EDEM2: variants seen among roughly 807,000 people sequenced by gnomAD.
EDEM2 encodes the protein ER degradation-enhancing alpha-mannosidase-like protein 2.
In EDEM2, 39 loss-of-function variants were observed where a neutral mutation model predicts 64.8. That is an observed-to-expected ratio of 0.60 (90% CI 0.47 to 0.79). EDEM2 has a LOEUF of 0.79. EDEM2 is among the 30% of genes least tolerant of loss of function. EDEM2 has a pLI of 0.00. For synonymous variants in EDEM2, 296 were observed against 291.5 expected (o/e 1.02, Z -0.16); for missense variants, 609 against 731.3 (o/e 0.83, Z 1.93).
At chr20:35,137,108 T>C (rs1320854485) in intron 5 of EDEM2, among the ~76,000 whole-genome samples, 3 of 152,066 alleles carry the variant, frequency 2.0e-5, no homozygotes, top group African/African-American at 7.2e-5. Context: ...TCTCATTTGA[T>C]AGATGGGGAA....
Position 35,118,689 on chromosome 20 carries a change from C to T in EDEM2, c.1145G>A (p.Arg382His), listed in dbSNP as rs375264450. The change falls in exon 10 of 11, where the codon CGT (arginine) becomes CAT (histidine). Residue 382 changes from arginine (R) to histidine (H), a missense_variant. Arg to His is a conservative substitution (Grantham distance 29). Coordinates refer to ENST00000374492, the MANE Select transcript of EDEM2 (RefSeq NM_018217.3). ...ELIESAMYLYRATGDPTLLEL... is the reference protein window; with the variant it reads ...ELIESAMYLYHATGDPTLLEL... ...TAGGAGGGTGGGATCCCCCGTGGCA[C>T]GGTAGAGGTACATTGCGCTTTCAAT... The T allele has an allele frequency of 2.0e-5, 32 of 1,612,918 alleles. No individual in the cohort carries two copies. The highest frequency in any genetic ancestry group is 6.7e-5 in the African/African-American group (5 of 74,900).
chr20:35,147,050 C>G, intron 1 of EDEM2, 102 bp downstream of exon 1: 3 of 1,541,142 alleles, frequency 1.9e-6, no homozygotes, highest in Non-Finnish European at 2.6e-6. Context: ...TGGGACCTAG[C>G]GGCTGTGTCG....
At chr20:35,121,269 G>A (rs73279912) in intron 9 of EDEM2, among the ~76,000 whole-genome samples, 1 of 152,194 alleles carries the variant, frequency 6.6e-6, no homozygotes, top group African/African-American at 2.4e-5. Flanking sequence ...ATCTGGGGTT[G>A]ATGGATGACA....
chr20:35,144,845 C>A, intron 3 of EDEM2, 134 bp downstream of exon 3: 1 of 957,640 alleles, frequency 1.0e-6, no homozygotes. Flanking sequence ...CACAGCCGGA[C>A]GCTTCAGAAT....
chr20:35,120,176 C>T (rs940761478), intron 9 of EDEM2, among the ~76,000 whole-genome samples: 3 of 152,142 alleles, frequency 2.0e-5, no homozygotes, highest in African/African-American at 7.2e-5. Flanking sequence ...GATTCTCATG[C>T]CTCAACCTCC....
chr20:35,124,900 T>C (rs929374614), intron 8 of EDEM2, among the ~76,000 whole-genome samples: 1 of 152,214 alleles, frequency 6.6e-6, no homozygotes, highest in African/African-American at 2.4e-5. Flanking sequence ...CAAATAGATG[T>C]AAAATGTTAT....
intron 2 of EDEM2, among the ~76,000 whole-genome samples, chr20:35,145,958 C>T (rs573714440): frequency 4.1e-5 from 6 of 145,608 alleles, no homozygotes; most frequent in South Asian, 2.1e-4. Context: ...GCCAAGATCA[C>T]GCCATTGCAC....
Position 35,139,863 on chromosome 20 carries a change from A to G in EDEM2, c.365-1858T>C, listed in dbSNP as rs958410266. Among the ~76,000 whole-genome samples, 80 of 152,220 alleles carry G rather than the reference A, an allele frequency of 5.3e-4. 2 individuals carry two copies. The highest frequency in any genetic ancestry group is 2.2e-4 in the Non-Finnish European group (15 of 68,028). ...AAGTTTTCCATAACAAAAAGTTTTTAAAAGGAGAAGACAGCCAAAGTGAAA... is the reference window on the plus strand; with the variant it reads ...AAGTTTTCCATAACAAAAAGTTTTTGAAAGGAGAAGACAGCCAAAGTGAAA... On this transcript the variant is annotated intron_variant, in intron 4 of 10. Transcript: ENST00000374492.
In EDEM2 at chr20:35,134,964, A is replaced by G; in HGVS notation, c.491-15T>C. 6.2e-7 allele frequency: 1 copy of G among 1,612,832 alleles called. No individual in the cohort carries two copies. The highest frequency in any genetic ancestry group is 8.5e-7 in the Non-Finnish European group (1 of 1,179,736). On this transcript the variant is annotated splice_polypyrimidine_tract_variant and intron_variant, in intron 5 of 10. Coordinates refer to ENST00000374492, the MANE Select transcript of EDEM2 (RefSeq NM_018217.3). ...GGTCTGAAAGGCTGAACAATCGACA[A>G]ATTATGATCCCGGACAGGAGCAGGG...
intron 5 of EDEM2, among the ~76,000 whole-genome samples, chr20:35,135,163 G>T (rs1282233062): frequency 1.3e-5 from 2 of 152,144 alleles, no homozygotes; most frequent in African/African-American, 4.8e-5. Context: ...CATAACCTTG[G>T]GTTCCTGCTC....
At chr20:35,139,702 A>G (rs115372358) in intron 4 of EDEM2, among the ~76,000 whole-genome samples, 1 of 151,876 alleles carries the variant, frequency 6.6e-6, no homozygotes, top group African/African-American at 2.4e-5. Context: ...ACATGTATGT[A>G]CCTTATGGTA....
At chr20:35,126,642 G>C (rs963917842) in intron 7 of EDEM2, among the ~76,000 whole-genome samples, 2 of 152,164 alleles carry the variant, frequency 1.3e-5, no homozygotes, top group Non-Finnish European at 2.9e-5. Context: ...GCCAGGCGTG[G>C]TGGCTCACAT....
At chr20:35,133,548 C>G (rs532767176) in intron 6 of EDEM2, among the ~76,000 whole-genome samples, 1 of 151,816 alleles carries the variant, frequency 6.6e-6, no homozygotes, top group Non-Finnish European at 1.5e-5. Context: ...CTCATCCCAA[C>G]CTCCACCTCC....
chr20:35,118,454 A>T (rs2085332290), intron 10 of EDEM2, 144 bp downstream of exon 10: 1 of 1,248,582 alleles, frequency 8.0e-7, no homozygotes, highest in East Asian at 2.7e-5. Flanking sequence ...TGGTCTCCCC[A>T]TCTGTAAAAT....
At chr20:35,126,413 A>G (rs2085433343) in intron 7 of EDEM2, 38 bp from the exon 8 acceptor site, 2 of 1,609,964 alleles carry the variant, frequency 1.2e-6, no homozygotes, top group Non-Finnish European at 1.7e-6. Context: ...CATATGAGTG[A>G]TTAGGGAGAA....
At chr20:35,129,992 T>A (rs536540553) in intron 7 of EDEM2, among the ~76,000 whole-genome samples, 15 of 152,290 alleles carry the variant, frequency 9.8e-5, no homozygotes, top group African/African-American at 3.1e-4. Flanking sequence ...TCAGACTATA[T>A]CCCTGTCATT....
intron 10 of EDEM2, among the ~76,000 whole-genome samples, chr20:35,118,074 G>GT (rs1007694890): frequency 1.3e-5 from 2 of 152,022 alleles, no homozygotes; most frequent in Non-Finnish European, 2.9e-5. Context: ...CACATTCATG[G>GT]TTTTTTTCTC....
chr20:35,143,242 A>G (rs2085682435), intron 3 of EDEM2, among the ~76,000 whole-genome samples: 2 of 152,168 alleles, frequency 1.3e-5, no homozygotes. Context: ...TGTGTTACCC[A>G]GTCAATTCTG....
In EDEM2 at chr20:35,129,177, C is replaced by T. The variant is rs563317467; in HGVS notation, c.844+2465G>A. ...ATCCTAGCACTTTGGGAGGCCGAGGCGGGTGGATTGCCTGAGCTCAGGAGT... is the reference window on the plus strand; with the variant it reads ...ATCCTAGCACTTTGGGAGGCCGAGGTGGGTGGATTGCCTGAGCTCAGGAGT... On this transcript the variant is annotated intron_variant, in intron 7 of 10. Coordinates refer to ENST00000374492, the MANE Select transcript of EDEM2 (RefSeq NM_018217.3). Among the ~76,000 whole-genome samples, 34 of 152,130 alleles carry T rather than the reference C, an allele frequency of 2.2e-4. No individual in the cohort carries two copies. In the South Asian group the frequency reaches 6.4e-3, roughly 29 times the overall value.
Sources: allele counts gnomAD v4.1 joint callset (sites outside exome capture counted in the v4.1 genomes callset), GRCh38; gene constraint gnomAD v4.1.1; transcripts MANE v1.5; gene names NCBI Gene and HGNC (gene_info 2026-07-23, HGNC 2026-07-21).